Variants in PLCL2 observed in about 807,000 individuals in gnomAD.
PLCL2 encodes phospholipase C like 2.
In PLCL2, 4 loss-of-function variants were observed where a neutral mutation model predicts 79.6. That is an observed-to-expected ratio of 0.05 (90% CI 0.02 to 0.11). The LOEUF (loss-of-function observed/expected upper bound fraction) is 0.11. PLCL2 is among the 10% of genes least tolerant of loss of function. The pLI, the probability that PLCL2 is intolerant of heterozygous loss-of-function variation, is 1.00. For missense variants in PLCL2, 895 were observed against 1,291.0 expected, an observed-to-expected ratio of 0.69 and a Z score of 4.70; for synonymous variants, 484 against 457.7, an observed-to-expected ratio of 1.06 and a Z score of -0.73.
chr3:17,073,761 C>G (rs1254517041), intron 5 of PLCL2, among the ~76,000 whole-genome samples: 1 of 152,208 alleles, frequency 6.6e-6, no homozygotes, highest in Non-Finnish European at 1.5e-5. Context: ...TCTCAAGAAA[C>G]CACTTTCTTT....
At chr3:17,014,000 T>A (rs2064356253) in intron 2 of PLCL2, among the ~76,000 whole-genome samples, 2 of 152,246 alleles carry the variant, frequency 1.3e-5, no homozygotes, top group African/African-American at 4.8e-5. Flanking sequence ...CTAGTATGGC[T>A]TAGCACTTAG....
At chr3:17,050,788 C>G (rs1378770297) in intron 4 of PLCL2, among the ~76,000 whole-genome samples, 1 of 152,210 alleles carries the variant, frequency 6.6e-6, no homozygotes, top group Non-Finnish European at 1.5e-5. Flanking sequence ...AGCAATCCCA[C>G]TGCTGCATGT....
chr3:17,015,016 C>A, intron 3 of PLCL2, 105 bp downstream of exon 3: 1 of 826,612 alleles, frequency 1.2e-6, no homozygotes, highest in East Asian at 2.5e-5. Context: ...TTTCCTATTT[C>A]ATGCTTCATT....
intron 1 of PLCL2, among the ~76,000 whole-genome samples, chr3:16,900,497 T>C (rs1020625196): frequency 1.3e-5 from 2 of 152,202 alleles, no homozygotes; most frequent in South Asian, 4.1e-4. Context: ...TAAAGCTATA[T>C]GTTGATTTGC....
chr3:16,965,682 C>A (rs1269192708), intron 1 of PLCL2, among the ~76,000 whole-genome samples: 1 of 152,050 alleles, frequency 6.6e-6, no homozygotes, highest in East Asian at 1.9e-4. Context: ...TTGTTTGTAT[C>A]CTCTTTTATT....
intron 1 of PLCL2, among the ~76,000 whole-genome samples, chr3:16,914,438 T>C (rs1018232178): frequency 3.3e-5 from 5 of 151,914 alleles, no homozygotes; most frequent in Non-Finnish European, 5.9e-5. Flanking sequence ...CATCTGTCAT[T>C]AAAATTAGTA....
intron 3 of PLCL2, among the ~76,000 whole-genome samples, chr3:17,019,966 C>T (rs2064430174): frequency 2.0e-5 from 3 of 152,104 alleles, no homozygotes; most frequent in African/African-American, 7.2e-5. Context: ...CTTCATAGTA[C>T]ACAGTGTTTT....
intron 1 of PLCL2, among the ~76,000 whole-genome samples, chr3:16,932,679 C>T (rs920235923): frequency 6.6e-6 from 1 of 152,152 alleles, no homozygotes; most frequent in Non-Finnish European, 1.5e-5. Context: ...GGTAGCTGAT[C>T]AGTGCTAGAA....
chr3:17,078,909 A>G (rs1030339647), intron 5 of PLCL2, among the ~76,000 whole-genome samples: 17 of 152,038 alleles, frequency 1.1e-4, no homozygotes, highest in African/African-American at 2.9e-4. Flanking sequence ...CCATTTCTCT[A>G]TTTAGTGTGT....
intron 1 of PLCL2, among the ~76,000 whole-genome samples, chr3:16,978,852 C>T (rs2063952096): frequency 6.6e-6 from 1 of 152,178 alleles, no homozygotes; most frequent in African/African-American, 2.4e-5. Flanking sequence ...AGACTTTGCC[C>T]TTTGCCAAAG....
intron 1 of PLCL2, among the ~76,000 whole-genome samples, chr3:16,889,674 C>T (rs1475025406): frequency 3.3e-5 from 5 of 152,188 alleles, no homozygotes; most frequent in African/African-American, 1.2e-4. Flanking sequence ...ACATGGACAA[C>T]AAGCAGCCTT....
At chr3:17,045,089 G>A (rs1318503734) in intron 4 of PLCL2, among the ~76,000 whole-genome samples, 2 of 152,104 alleles carry the variant, frequency 1.3e-5, no homozygotes, top group Non-Finnish European at 2.9e-5. Context: ...TGTTTCTCAT[G>A]TTTACAATTA....
intron 3 of PLCL2, among the ~76,000 whole-genome samples, chr3:17,015,896 A>G (rs2064378590): frequency 6.6e-6 from 1 of 152,246 alleles, no homozygotes; most frequent in Non-Finnish European, 1.5e-5. Flanking sequence ...GAAAGAAAAA[A>G]GACGTTGGGC....
intron 1 of PLCL2, among the ~76,000 whole-genome samples, chr3:16,963,809 C>T (rs1201222624): frequency 1.3e-5 from 2 of 151,030 alleles, no homozygotes; most frequent in Non-Finnish European, 2.9e-5. Context: ...TCTCAAGTCA[C>T]CCTTCTCCTA....
intron 3 of PLCL2, among the ~76,000 whole-genome samples, chr3:17,029,425 G>C (rs1465686308): frequency 2.0e-5 from 3 of 151,940 alleles, no homozygotes; most frequent in African/African-American, 7.3e-5. Context: ...AAAATGTGAG[G>C]GCCCCTAGTT....
chr3:17,016,158 T>G (rs895144036), intron 3 of PLCL2, among the ~76,000 whole-genome samples: 1 of 152,252 alleles, frequency 6.6e-6, no homozygotes, highest in African/African-American at 2.4e-5. Flanking sequence ...ACAAATTGAC[T>G]TGACCATTGG....
At chr3:16,892,659 G>A (rs992076012) in intron 1 of PLCL2, among the ~76,000 whole-genome samples, 3 of 152,160 alleles carry the variant, frequency 2.0e-5, no homozygotes, top group African/African-American at 7.2e-5. Context: ...TAATTCCTCA[G>A]CATGTTTTGT....
At chr3:17,043,823 T>A (rs17043036) in intron 4 of PLCL2, among the ~76,000 whole-genome samples, 1,642 of 152,294 alleles carry the variant, frequency 0.011, 30 homozygotes, top group Admixed American at 0.046. Context: ...TAGTGACTAA[T>A]CAACAAACTC....
In PLCL2 at chr3:17,010,140, A is replaced by T. The variant is rs146652187; in HGVS notation, c.794A>T (p.Asp265Val). 1.9e-6 allele frequency: 3 copies of T among 1,613,968 alleles called. No individual in the cohort carries two copies. Among genetic ancestry groups the T allele is most frequent in the African/African-American group, 2.7e-5 (2 of 74,934 alleles). Reference sequence around the variant, plus strand: ...CTTGATATGTTAGAAAGTAGCCAAGATAACATGAGGACTTCTTGGGTTTCA... The same window carrying T: ...CTTGATATGTTAGAAAGTAGCCAAGTTAACATGAGGACTTCTTGGGTTTCA... Reference protein sequence around the residue: ...HTLDMLESSQDNMRTSWVSQM... With the variant: ...HTLDMLESSQVNMRTSWVSQM... Residue 265 changes from aspartate (D) to valine (V), a missense_variant, in exon 2 of 6, where the codon GAT (aspartate) becomes GTT (valine). Coordinates refer to ENST00000615277, the MANE Select transcript of PLCL2 (RefSeq NM_001144382.2). This position sits in a 1 kb window ranked among gnomAD's most constrained non-coding sequence, Gnocchi z 5.8.
Sources: gnomAD v4.1 joint callset for allele counts (sites outside exome capture counted in the v4.1 genomes callset) on GRCh38, gnomAD v4.1.1 for gene constraint, Gnocchi (gnomAD v3.1) non-coding constraint, MANE v1.5 for transcripts, NCBI Gene and HGNC (gene_info 2026-07-23, HGNC 2026-07-21) for gene names.